Variants in EPHA8 observed in about 807,000 individuals in gnomAD.
EPHA8 encodes the protein ephrin type-A receptor 8.
A neutral mutation model predicts 103.6 loss-of-function variants in EPHA8; 58 were observed. The observed-to-expected ratio is 0.56, with a 90% CI of 0.45 to 0.70. EPHA8 has a LOEUF of 0.70. Among genes scored for constraint, EPHA8 ranks in the 30% least tolerant of loss-of-function variants. The probability of loss-of-function intolerance (pLI) is 0.00; values close to 1 mark genes in which losing one functional copy is unlikely to be tolerated. For synonymous variants in EPHA8, 559 were observed against 572.5 expected (o/e 0.98, Z 0.34); for missense variants, 1,304 against 1,395.2 (o/e 0.93, Z 1.04).
Position 22,576,930 on chromosome 1 carries a change from C to A in EPHA8, c.823+50C>A. On this transcript the variant is annotated intron_variant, in intron 3 of 16. Coordinates refer to ENST00000166244, the MANE Select transcript of EPHA8 (RefSeq NM_020526.5). The surrounding 1 kb of genome is among the most constrained non-coding windows in gnomAD (Gnocchi z 4.8). ...GGGTCAGCCGGCAGCGGTGCTTGGT[C>A]TTGGCAGGGCTGCCAGGGTGTAAGG... The A allele has an allele frequency of 6.5e-7, 1 of 1,533,268 alleles. No individual in the cohort carries two copies. Among genetic ancestry groups the A allele is most frequent in the Non-Finnish European group, 8.8e-7 (1 of 1,138,452 alleles). 95.0% of individuals were successfully genotyped at this position (1,533,268 alleles called of 1,614,324 possible).
rs546953156 is a variant in EPHA8, at chr1:22,567,825, G to A, written c.95-1464G>A. Among the ~76,000 whole-genome samples the A allele has an allele frequency of 1.3e-5, 2 of 152,262 alleles. No homozygotes were observed. Among genetic ancestry groups the A allele is most frequent in the East Asian group, 3.9e-4 (2 of 5,154 alleles). Reference sequence around the variant, plus strand: ...TCACCTGCCCAAGCCCGCTGATTGGGGTGGTTAAAAGCCCATGGCTGTTGG... The same window carrying A: ...TCACCTGCCCAAGCCCGCTGATTGGAGTGGTTAAAAGCCCATGGCTGTTGG... On this transcript the variant is annotated intron_variant, in intron 1 of 16. Transcript: ENST00000166244. This position sits in a 1 kb window ranked among gnomAD's most constrained non-coding sequence, Gnocchi z 4.2.
At position 22,569,702 on chromosome 1, in the gene EPHA8, C is replaced by T. The variant is rs1640468584; in HGVS notation, c.159+349C>T. ...TTCTGGGTTGCTCCCTCCCTCCCAG[C>T]TGCCCTGGCCTCACCAGTCCTCCGA... On this transcript the variant is annotated intron_variant, in intron 2 of 16. Transcript: ENST00000166244. This position sits in a 1 kb window ranked among gnomAD's most constrained non-coding sequence, Gnocchi z 4.5. 6.6e-6 allele frequency among the ~76,000 whole-genome samples: 1 copy of T among 152,172 alleles called. No individual in the cohort carries two copies. Among genetic ancestry groups the T allele is most frequent in the African/African-American group, 2.4e-5 (1 of 41,434 alleles).
At chr1:22,593,793 C>T (rs1459106316) in intron 7 of EPHA8, 107 bp downstream of exon 7, 1 of 1,314,944 alleles carries the variant, frequency 7.6e-7, no homozygotes, top group Non-Finnish European at 1.0e-6. Context: ...AGTGCCAATG[C>T]AGGATTTCTG....
intron 2 of EPHA8, among the ~76,000 whole-genome samples, chr1:22,573,370 G>A (rs1023650300): frequency 7.9e-5 from 12 of 152,292 alleles, no homozygotes; most frequent in Admixed American, 2.6e-4. Context: ...CTCAAACCTC[G>A]CTCAAGTGGG....
At chr1:22,593,305 T>A in intron 5 of EPHA8, 21 bp from the exon 6 acceptor site, 6 of 1,551,154 alleles carry the variant, frequency 3.9e-6, no homozygotes, top group Non-Finnish European at 5.2e-6. Flanking sequence ...TCCGCCCATC[T>A]GACGGGATTG....
chr1:22,588,832 T>A (rs773492924), intron 4 of EPHA8, 39 bp from the exon 5 acceptor site: 11 of 1,536,930 alleles, frequency 7.2e-6, no homozygotes, highest in Non-Finnish European at 9.6e-6. Context: ...ACAGCCCAAA[T>A]AAATAACCAC....
chr1:22,564,877 A>T (rs1389576799), intron 1 of EPHA8, among the ~76,000 whole-genome samples: 1 of 152,098 alleles, frequency 6.6e-6, no homozygotes, highest in African/African-American at 2.4e-5. Context: ...GGTGTAAGCG[A>T]ACTCCGGAGC....
intron 7 of EPHA8, among the ~76,000 whole-genome samples, chr1:22,594,296 C>T (rs942933580): frequency 1.3e-5 from 2 of 152,206 alleles, no homozygotes; most frequent in East Asian, 1.9e-4. Flanking sequence ...GATGAAAAAC[C>T]GAGGTTAGGA....
Position 22,589,234 on chromosome 1 carries a change from G to C in EPHA8, c.1315+28G>C. On this transcript the variant is annotated intron_variant, in intron 5 of 16. Coordinates refer to ENST00000166244, the MANE Select transcript of EPHA8 (RefSeq NM_020526.5). The surrounding 1 kb of genome is among the most constrained non-coding windows in gnomAD (Gnocchi z 4.3). The stretch of plus-strand genomic sequence containing the variant: ...AGGCGGAGAAACTCCGTCCCGCAGC[G>C]TCCTGGTCCCCCAGCTTCCCCTGCC... 9 of 1,614,014 alleles carry C rather than the reference G, an allele frequency of 5.6e-6. No homozygotes were observed. The highest frequency in any genetic ancestry group is 7.6e-6 in the Non-Finnish European group (9 of 1,180,012).
At chr1:22,579,247 A>T (rs190528761) in intron 3 of EPHA8, among the ~76,000 whole-genome samples, 1 of 148,404 alleles carries the variant, frequency 6.7e-6, no homozygotes, top group East Asian at 2.1e-4. Context: ...ATGTGAGTAT[A>T]TGTGTACATG....
rs1279422411 is a variant in EPHA8, at chr1:22,576,189, G to C, written c.160-28G>C. On this transcript the variant is annotated intron_variant, in intron 2 of 16. Transcript: ENST00000166244. This position sits in a 1 kb window ranked among gnomAD's most constrained non-coding sequence, Gnocchi z 4.8. ...AAGAGGGTGAGGTGCTGGCTCTGCTGTAGTGGCTGTGTTCTCTCTGCCCAC... is the reference window on the plus strand; with the variant it reads ...AAGAGGGTGAGGTGCTGGCTCTGCTCTAGTGGCTGTGTTCTCTCTGCCCAC... 1 of 1,583,562 alleles carries C rather than the reference G, an allele frequency of 6.3e-7. No individual in the cohort carries two copies. Among genetic ancestry groups the C allele is most frequent in the South Asian group, 1.2e-5 (1 of 86,138 alleles).
intron 3 of EPHA8, among the ~76,000 whole-genome samples, chr1:22,579,354 CGTGT>C (rs76802750): frequency 6.2e-5 from 9 of 145,648 alleles, no homozygotes; most frequent in East Asian, 2.0e-4. Flanking sequence ...TGTATGTATG[CGTGT>C]GTGTATGTGT....
rs1640702577 is a variant in EPHA8 at position 22,576,511 on chromosome 1, G to A, written c.454G>A (p.Glu152Lys). ...FLKIDTIAADESFTGADLGVR... is the reference protein window; with the variant it reads ...FLKIDTIAADKSFTGADLGVR... ...CAAAATCGACACCATTGCGGCCGAC[G>A]AGAGCTTCACAGGTGCCGACCTTGG... Residue 152 changes from glutamate (E) to lysine (K), a missense_variant, in exon 3 of 17, where the codon GAG becomes AAG. Transcript: ENST00000166244. The surrounding 1 kb of genome is among the most constrained non-coding windows in gnomAD (Gnocchi z 4.8). 3.1e-6 allele frequency: 5 copies of A among 1,614,022 alleles called. No homozygotes were observed. The highest frequency in any genetic ancestry group is 4.2e-6 in the Non-Finnish European group (5 of 1,180,052).
In EPHA8 at chr1:22,567,300, G is replaced by A. The variant is rs995885715; in HGVS notation, c.95-1989G>A. On this transcript the variant is annotated intron_variant, in intron 1 of 16. Transcript: ENST00000166244. This position sits in a 1 kb window ranked among gnomAD's most constrained non-coding sequence, Gnocchi z 4.2. ...CTTCCCTCACCATCTCCCCAAACTC[G>A]GCTTTGCTGGTCTGGGGGAAACTGC... is the stretch of plus-strand genomic sequence containing the variant. Among the ~76,000 whole-genome samples, 5 of 152,112 alleles carry A rather than the reference G, an allele frequency of 3.3e-5. No individual in the cohort carries two copies. Among genetic ancestry groups the A allele is most frequent in the African/African-American group, 9.7e-5 (4 of 41,418 alleles).
At position 22,569,467 on chromosome 1, in the gene EPHA8, G is replaced by A; in HGVS notation, c.159+114G>A. On this transcript the variant is annotated intron_variant, in intron 2 of 16. Coordinates refer to ENST00000166244, the MANE Select transcript of EPHA8 (RefSeq NM_020526.5). The surrounding 1 kb of genome is among the most constrained non-coding windows in gnomAD (Gnocchi z 4.5). Reference sequence around the variant, plus strand: ...GAAGCAGAGGCCCAGAGAGGTCAAGGGACTTACCCAAGGGCACACAGCAGT... The same window carrying A: ...GAAGCAGAGGCCCAGAGAGGTCAAGAGACTTACCCAAGGGCACACAGCAGT... 1 of 1,148,844 alleles carries A rather than the reference G, an allele frequency of 8.7e-7. No homozygotes were observed. The allele number at this position is 1,148,844 out of a possible 1,614,324, so 71.2% of individuals were successfully genotyped here.
chr1:22,597,515 G>T lies in EPHA8; in HGVS notation c.1930+39G>T, dbSNP rs1389754468. ...GTTGTGAGGGCGGGGCCAGCATGGG[G>T]CAAGGTGGGGGCACCCAGGGCAAGG... On this transcript the variant is annotated intron_variant, in intron 10 of 16. Transcript: ENST00000166244. This position sits in a 1 kb window ranked among gnomAD's most constrained non-coding sequence, Gnocchi z 4.6. 1 of 1,598,048 alleles carries T rather than the reference G, an allele frequency of 6.3e-7. No individual in the cohort carries two copies.
At position 22,593,374 on chromosome 1, in the gene EPHA8, G is replaced by A; in HGVS notation, c.1364G>A (p.Ser455Asn). 1 of 1,591,146 alleles carries A rather than the reference G, an allele frequency of 6.3e-7. No homozygotes were observed. Among genetic ancestry groups the A allele is most frequent in the Non-Finnish European group, 8.6e-7 (1 of 1,169,270 alleles). Residue 455 changes from serine to asparagine, a missense_variant, in exon 6 of 17, where the codon AGC (serine) becomes AAC (asparagine). By Grantham distance (46) the Ser-to-Asn change is conservative. Coordinates refer to ENST00000166244, the MANE Select transcript of EPHA8 (RefSeq NM_020526.5). ...CGTCAAGAGCGGGCGGGGCAGACCAGCGTCTCGCTGCTGTGGCAGGAGCCC... is the reference window on the plus strand; with the variant it reads ...CGTCAAGAGCGGGCGGGGCAGACCAACGTCTCGCTGCTGTGGCAGGAGCCC... The part of the protein sequence containing the change: ...VIRQERAGQT[S>N]VSLLWQEPEQ...
intron 4 of EPHA8, among the ~76,000 whole-genome samples, chr1:22,587,184 C>A (rs777107624): frequency 6.6e-6 from 1 of 152,250 alleles, no homozygotes; most frequent in Non-Finnish European, 1.5e-5. Context: ...TCTGTGTGAG[C>A]AGCTGCTCTT....
chr1:22,600,309 AAAGAAGGGAGGAAGG>A (rs1249212838), intron 13 of EPHA8, among the ~76,000 whole-genome samples: 1 of 148,332 alleles, frequency 6.7e-6, no homozygotes, highest in Non-Finnish European at 1.5e-5. Flanking sequence ...GGGAAGAGGA[AAAGAAGGGAGGAAGG>A]AAGAAGGGAA....
Sources: allele counts gnomAD v4.1 joint callset (sites outside exome capture counted in the v4.1 genomes callset), GRCh38; gene constraint gnomAD v4.1.1; non-coding constraint Gnocchi (gnomAD v3.1); transcripts MANE v1.5; gene names NCBI Gene and HGNC (gene_info 2026-07-23, HGNC 2026-07-21).